CENPP: variants seen among roughly 807,000 people sequenced by gnomAD.
The protein encoded by CENPP is centromere protein P.
Under a neutral mutation model 35.6 loss-of-function variants are expected in CENPP, and 24 were observed. The observed-to-expected ratio is 0.67, with a 90% CI of 0.49 to 0.95. The LOEUF (loss-of-function observed/expected upper bound fraction) is 0.95. Among genes scored for constraint, CENPP ranks in the 40% least tolerant of loss-of-function variants. CENPP has a pLI of 0.00. For missense variants in CENPP, 332 were observed against 345.3 expected (o/e 0.96, Z 0.31); for synonymous variants, 120 against 125.5 (o/e 0.96, Z 0.29).
chr9:92,403,091 G>C (rs1264424560), intron 5 of CENPP: 1 of 562,858 alleles, frequency 1.8e-6, no homozygotes, highest in African/African-American at 1.9e-5. Flanking sequence ...TACAATCTTA[G>C]GGACAATTAT....
intron 5 of CENPP, among the ~76,000 whole-genome samples, chr9:92,528,944 T>A (rs534204833): frequency 1.3e-5 from 2 of 152,206 alleles, no homozygotes; most frequent in African/African-American, 4.8e-5. Flanking sequence ...AGTAGGTGTT[T>A]AAAAATCATT....
chr9:92,407,685 C>G (rs1843344414), intron 5 of CENPP, among the ~76,000 whole-genome samples: 1 of 152,174 alleles, frequency 6.6e-6, no homozygotes, highest in Non-Finnish European at 1.5e-5. Context: ...TGACTCTCTG[C>G]AGCCTCAACT....
intron 5 of CENPP, among the ~76,000 whole-genome samples, chr9:92,597,831 C>T (rs532026559): frequency 3.7e-4 from 56 of 152,292 alleles, no homozygotes; most frequent in African/African-American, 1.3e-3. Context: ...CAATCTGAAG[C>T]ATTCTCTGTT....
intron 5 of CENPP, among the ~76,000 whole-genome samples, chr9:92,597,504 TTAATGA>T (rs1850811471): frequency 1.3e-5 from 2 of 152,228 alleles, no homozygotes; most frequent in African/African-American, 4.8e-5. Flanking sequence ...AGTTTAAACC[TTAATGA>T]TAAAATTTTC....
intron 5 of CENPP, among the ~76,000 whole-genome samples, chr9:92,411,103 T>C (rs556607762): frequency 6.6e-6 from 1 of 151,988 alleles, no homozygotes; most frequent in Non-Finnish European, 1.5e-5. Context: ...CTCCTGAGTA[T>C]CTGGGACTAC....
chr9:92,515,054 G>C (rs762272521), intron 5 of CENPP: 7 of 1,613,980 alleles, frequency 4.3e-6, no homozygotes, highest in African/African-American at 2.7e-5. Context: ...TCAGATTGAA[G>C]TGCTTCTTTT....
chr9:92,436,984 G>C (rs1844260452), intron 5 of CENPP, among the ~76,000 whole-genome samples: 1 of 152,146 alleles, frequency 6.6e-6, no homozygotes, highest in Admixed American at 6.6e-5. Flanking sequence ...CAGATCACTT[G>C]AGGACAGGAG....
At chr9:92,448,179 G>T (rs1844600428) in intron 5 of CENPP, among the ~76,000 whole-genome samples, 1 of 152,170 alleles carries the variant, frequency 6.6e-6, no homozygotes, top group Non-Finnish European at 1.5e-5. Flanking sequence ...TTGTAGTAAA[G>T]AAAGAGTTTA....
chr9:92,329,812 G>A (rs983201524), intron 1 of CENPP, among the ~76,000 whole-genome samples: 1 of 152,140 alleles, frequency 6.6e-6, no homozygotes, highest in Non-Finnish European at 1.5e-5. Context: ...GCTGCCTCAG[G>A]ATTACAGGAG....
rs762817792 is a variant in CENPP, at chr9:92,341,266, G to A, written c.378+3637G>A. On this transcript the variant is annotated intron_variant, in intron 3 of 7. Transcript: ENST00000375587. ...AAACTTCATTAGCAATTTTAATTTCGCCTTGGTCCTGTGGTCCTGTGATCT... is the reference window on the plus strand; with the variant it reads ...AAACTTCATTAGCAATTTTAATTTCACCTTGGTCCTGTGGTCCTGTGATCT... Among the ~76,000 whole-genome samples, 90 of 152,040 alleles carry A rather than the reference G, an allele frequency of 5.9e-4. 2 individuals carry two copies. The highest frequency in any genetic ancestry group is 5.1e-3 in the Admixed American group (78 of 15,260).
At chr9:92,452,615 A>C (rs1437361734) in intron 5 of CENPP, among the ~76,000 whole-genome samples, 1 of 152,174 alleles carries the variant, frequency 6.6e-6, no homozygotes, top group African/African-American at 2.4e-5. Flanking sequence ...TGGCCTCATA[A>C]AAAGAGTTAG....
At chr9:92,602,706 A>G (rs536724785) in intron 5 of CENPP, among the ~76,000 whole-genome samples, 3 of 152,296 alleles carry the variant, frequency 2.0e-5, no homozygotes, top group East Asian at 3.9e-4. Flanking sequence ...GTGTGTGTCC[A>G]GGGGCGAGGG....
intron 4 of CENPP, among the ~76,000 whole-genome samples, chr9:92,358,885 G>C (rs1373951434): frequency 5.4e-5 from 8 of 146,904 alleles, no homozygotes; most frequent in Admixed American, 4.7e-4. Flanking sequence ...CAGGGATGCT[G>C]TCTATTCATT....
chr9:92,454,637 TTTTA>T (rs1310140583), intron 5 of CENPP, among the ~76,000 whole-genome samples: 1 of 152,218 alleles, frequency 6.6e-6, no homozygotes, highest in East Asian at 1.9e-4. Flanking sequence ...CTTCATGATC[TTTTA>T]TTTTTCTTTG....
At chr9:92,462,221 G>A (rs1421973259) in intron 5 of CENPP, among the ~76,000 whole-genome samples, 1 of 152,092 alleles carries the variant, frequency 6.6e-6, no homozygotes, top group African/African-American at 2.4e-5. Context: ...CAAGCGATCC[G>A]CCTACCTTGG....
intron 5 of CENPP, among the ~76,000 whole-genome samples, chr9:92,462,442 C>A (rs1465758524): frequency 6.6e-6 from 1 of 152,182 alleles, no homozygotes. Context: ...AGGGACTGAC[C>A]AGAAGATTCC....
chr9:92,539,181 T>TA (rs2131305711), intron 5 of CENPP: 1 of 152,268 alleles, frequency 6.6e-6, no homozygotes, highest in African/African-American at 2.4e-5. Flanking sequence ...TTGGCCAACG[T>TA]AAGTGGAGTA....
At chr9:92,367,766 C>T (rs1279013091) in intron 4 of CENPP, among the ~76,000 whole-genome samples, 1 of 152,028 alleles carries the variant, frequency 6.6e-6, no homozygotes, top group African/African-American at 2.4e-5. Context: ...TACAGGTGCC[C>T]GCCATCACGC....
intron 5 of CENPP, among the ~76,000 whole-genome samples, chr9:92,532,022 T>TTTA: frequency 7.8e-6 from 1 of 127,982 alleles, no homozygotes; most frequent in East Asian, 2.0e-4. Context: ...AATGTTTTTT[T>TTTA]TTTTTTATTT....
Sources: gnomAD v4.1 joint callset for allele counts (sites outside exome capture counted in the v4.1 genomes callset) on GRCh38, gnomAD v4.1.1 for gene constraint, MANE v1.5 for transcripts, NCBI Gene and HGNC (gene_info 2026-07-23, HGNC 2026-07-21) for gene names.